ADAMTSL1: variants seen among roughly 807,000 people sequenced by gnomAD.
The protein encoded by ADAMTSL1 is ADAMTS like 1, also known as ADAMTS-like protein 1.
In ADAMTSL1, 126 loss-of-function variants were observed where a neutral mutation model predicts 201.8. The observed-to-expected ratio is 0.62, with a 90% CI of 0.54 to 0.72. The LOEUF is 0.72. Among genes scored for constraint, ADAMTSL1 ranks in the 30% least tolerant of loss-of-function variants. ADAMTSL1 has a pLI of 0.00. For synonymous variants in ADAMTSL1, 1,121 were observed against 903.4 expected (o/e 1.24, Z -4.32); for missense variants, 2,679 against 2,277.8 (o/e 1.18, Z -3.59).
chr9:18,187,667 T>C (rs970477183), intron 2 of ADAMTSL1, among the ~76,000 whole-genome samples: 2 of 152,140 alleles, frequency 1.3e-5, no homozygotes, highest in African/African-American at 2.4e-5. Flanking sequence ...ATTTGGACTT[T>C]CTTCCCTGTA....
At chr9:18,845,155 G>C (rs544116684) in intron 23 of ADAMTSL1, among the ~76,000 whole-genome samples, 1 of 152,184 alleles carries the variant, frequency 6.6e-6, no homozygotes, top group Non-Finnish European at 1.5e-5. Flanking sequence ...GCTGTAGACC[G>C]GAGCTGTTCC....
rs886792088 is a variant in ADAMTSL1, at chr9:18,538,057, G to A, written c.237+4765G>A. Among the ~76,000 whole-genome samples, 146 of 152,202 alleles carry A rather than the reference G, an allele frequency of 9.6e-4. 2 individuals are homozygous for A. Among genetic ancestry groups the A allele is most frequent in the Middle Eastern group, 6.8e-3 (2 of 294 alleles). ...CCTGGATAATTTTAAGCAGGGGAGA[G>A]TAGAATGGGACTTATAATGAAAAAG... On this transcript the variant is annotated intron_variant, in intron 3 of 28. Coordinates refer to ENST00000380548, the MANE Select transcript of ADAMTSL1 (RefSeq NM_001040272.6).
intron 23 of ADAMTSL1, among the ~76,000 whole-genome samples, chr9:18,847,562 A>G (rs932589509): frequency 1.3e-5 from 2 of 152,254 alleles, no homozygotes; most frequent in South Asian, 2.1e-4. Flanking sequence ...GGAGGTTCCA[A>G]TTTAAAATAC....
Position 18,683,305 on chromosome 9 carries a change from A to G in ADAMTSL1, c.1489+1346A>G, listed in dbSNP as rs547404145. Among the ~76,000 whole-genome samples the G allele has an allele frequency of 3.3e-5, 5 of 150,188 alleles. 1 individual carries two copies. The South Asian group carries it at 1.1e-3, about 32-fold the overall frequency. ...AGTGGCGTGATCTCGGCTCACTGCA[A>G]CCTCTGCCTCCCAGGCTGAGGCGAT... On this transcript the variant is annotated intron_variant, in intron 12 of 28. Transcript: ENST00000380548.
chr9:17,964,058 A>G (rs1817868130), intron 1 of ADAMTSL1, among the ~76,000 whole-genome samples: 2 of 152,180 alleles, frequency 1.3e-5, no homozygotes, highest in South Asian at 4.1e-4. Flanking sequence ...AAAAGGAAAA[A>G]CAAAATTGTG....
At chr9:18,076,677 G>T (rs1385965693) in intron 1 of ADAMTSL1, among the ~76,000 whole-genome samples, 2 of 152,222 alleles carry the variant, frequency 1.3e-5, no homozygotes, top group African/African-American at 4.8e-5. Context: ...ATGTTGGCCA[G>T]TGTGGCAATG....
intron 1 of ADAMTSL1, among the ~76,000 whole-genome samples, chr9:18,493,542 G>A (rs931526311): frequency 1.3e-5 from 2 of 152,186 alleles, no homozygotes; most frequent in African/African-American, 4.8e-5. Context: ...GGCAAACAAG[G>A]ATCTAGGACT....
intron 1 of ADAMTSL1, among the ~76,000 whole-genome samples, chr9:18,024,126 T>C (rs1457259985): frequency 6.6e-6 from 1 of 152,192 alleles, no homozygotes; most frequent in Non-Finnish European, 1.5e-5. Context: ...TGCTTTATTT[T>C]TTTATTGGTA....
At chr9:18,146,419 T>C (rs1223389057) in intron 1 of ADAMTSL1, among the ~76,000 whole-genome samples, 1 of 152,096 alleles carries the variant, frequency 6.6e-6, no homozygotes, top group African/African-American at 2.4e-5. Flanking sequence ...CATGCAAAGG[T>C]ATTGATGAAT....
At chr9:18,853,918 T>TGTGTGTGCGC (rs139332733) in intron 23 of ADAMTSL1, among the ~76,000 whole-genome samples, 37 of 145,490 alleles carry the variant, frequency 2.5e-4, no homozygotes, top group African/African-American at 8.5e-4. Context: ...TGTGTGTGTG[T>TGTGTGTGCGC]GCGCGTGCAT....
intron 2 of ADAMTSL1, among the ~76,000 whole-genome samples, chr9:18,330,894 T>C (rs958456378): frequency 2.6e-5 from 4 of 152,172 alleles, no homozygotes; most frequent in African/African-American, 9.7e-5. Flanking sequence ...CCAGGGACTG[T>C]CCCAGATTTT....
intron 2 of ADAMTSL1, among the ~76,000 whole-genome samples, chr9:18,303,804 T>C (rs911598539): frequency 2.6e-5 from 4 of 152,226 alleles, no homozygotes; most frequent in African/African-American, 9.6e-5. Flanking sequence ...TTTTTCTTTT[T>C]AATAATGCTG....
intron 2 of ADAMTSL1, among the ~76,000 whole-genome samples, chr9:18,297,810 A>G (rs1169677476): frequency 6.6e-6 from 1 of 152,196 alleles, no homozygotes; most frequent in Non-Finnish European, 1.5e-5. Context: ...CTTGGGCTCT[A>G]TTTGCTCTGT....
At chr9:18,268,384 A>T (rs12684857) in intron 2 of ADAMTSL1, among the ~76,000 whole-genome samples, 54,702 of 152,048 alleles carry the variant, frequency 0.36, 10,760 homozygotes, top group South Asian at 0.5. Flanking sequence ...TCAGTTTTAA[A>T]TTACAAAATC....
intron 2 of ADAMTSL1, among the ~76,000 whole-genome samples, chr9:18,267,384 C>T (rs1832159647): frequency 1.3e-5 from 2 of 152,060 alleles, no homozygotes; most frequent in Admixed American, 1.3e-4. Context: ...AAACACAGGA[C>T]CTGACTCTTG....
chr9:18,525,119 G>A (rs866587466), intron 2 of ADAMTSL1, among the ~76,000 whole-genome samples: 4,002 of 152,152 alleles, frequency 0.026, 191 homozygotes, highest in African/African-American at 0.092. Context: ...CAATTTCAGA[G>A]CCTGTTATTG....
At chr9:18,713,173 G>C (rs10811018) in intron 14 of ADAMTSL1, among the ~76,000 whole-genome samples, 2 of 150,222 alleles carry the variant, frequency 1.3e-5, no homozygotes, top group Non-Finnish European at 3.0e-5. Context: ...CATCGAGACT[G>C]GGAAGAAACT....
chr9:18,216,378 G>T (rs1293572195), intron 2 of ADAMTSL1, among the ~76,000 whole-genome samples: 17 of 152,076 alleles, frequency 1.1e-4, no homozygotes. Flanking sequence ...ATTCTGCCAG[G>T]TTATAGCTGT....
At chr9:18,735,749 T>TTTTCTTTTC (rs1491206221) in intron 15 of ADAMTSL1, among the ~76,000 whole-genome samples, 1,312 of 31,532 alleles carry the variant, frequency 0.042, 19 homozygotes, top group African/African-American at 0.099. Flanking sequence ...TTCTTTTTTC[T>TTTTCTTTTC]TTTTTTTTTT....
Sources: gnomAD v4.1 joint callset for allele counts (sites outside exome capture counted in the v4.1 genomes callset) on GRCh38, gnomAD v4.1.1 for gene constraint, MANE v1.5 for transcripts, NCBI Gene and HGNC (gene_info 2026-07-23, HGNC 2026-07-21) for gene names.